DNAAF4: variants seen among roughly 807,000 people sequenced by gnomAD.
DNAAF4 encodes the protein dynein axonemal assembly factor 4, also known as dynein assembly factor 4, axonemal.
DNAAF4 carries 43 observed loss-of-function variants against 51.8 expected under a neutral mutation model. The observed-to-expected ratio is 0.83, with a 90% CI of 0.65 to 1.07. The LOEUF is 1.07. Among genes scored for constraint, DNAAF4 ranks in the 50% least tolerant of loss-of-function variants. The pLI is 0.00. For missense variants in DNAAF4, 581 were observed against 493.0 expected (o/e 1.18, Z -1.69); for synonymous variants, 194 against 165.6 (o/e 1.17, Z -1.32).
intron 9 of DNAAF4, among the ~76,000 whole-genome samples, chr15:55,431,135 G>A (rs776180775): frequency 7.9e-5 from 12 of 151,872 alleles, no homozygotes; most frequent in Non-Finnish European, 7.4e-5. Flanking sequence ...GTAGGGCCTC[G>A]ATCTCCTGAC....
chr15:55,467,266 G>T, intron 4 of DNAAF4, 105 bp from the exon 5 acceptor site: 2 of 1,078,298 alleles, frequency 1.9e-6, no homozygotes, highest in South Asian at 1.5e-5. Context: ...CTAAACTCTT[G>T]CCATTGTATT....
intron 5 of DNAAF4, among the ~76,000 whole-genome samples, chr15:55,459,558 T>A (rs1031472155): frequency 1.3e-5 from 2 of 152,148 alleles, no homozygotes; most frequent in African/African-American, 4.8e-5. Context: ...ATACAGAATG[T>A]CAAATGGATA....
intron 5 of DNAAF4, among the ~76,000 whole-genome samples, chr15:55,460,338 C>A (rs1008210336): frequency 1.3e-5 from 2 of 151,932 alleles, no homozygotes; most frequent in African/African-American, 4.8e-5. Flanking sequence ...TGCCAGCACG[C>A]CCGGCTAATT....
At chr15:55,500,992 CA>C (rs111778667) in intron 1 of DNAAF4, among the ~76,000 whole-genome samples, 7,982 of 65,910 alleles carry the variant, frequency 0.12, 245 homozygotes, top group East Asian at 0.26. Flanking sequence ...AACTGAGTCT[CA>C]AAAAAAAAAA....
chr15:55,469,779 T>C (rs909015917), intron 4 of DNAAF4, among the ~76,000 whole-genome samples: 5 of 151,300 alleles, frequency 3.3e-5, no homozygotes, highest in East Asian at 4.0e-4. Context: ...CGTGAGCCAC[T>C]GCGCCCGGCC....
chr15:55,487,234 A>T (rs2058502963), intron 4 of DNAAF4, among the ~76,000 whole-genome samples: 1 of 152,182 alleles, frequency 6.6e-6, no homozygotes, highest in South Asian at 2.1e-4. Flanking sequence ...AAAGGATTGT[A>T]AACATACCAA....
intron 8 of DNAAF4, among the ~76,000 whole-genome samples, chr15:55,434,305 TGG>T (rs1351256169): frequency 3.3e-5 from 5 of 151,344 alleles, no homozygotes; most frequent in African/African-American, 1.2e-4. Context: ...AAAGAAAAAC[TGG>T]ATCATAAAAG....
chr15:55,480,349 C>G (rs750924933), intron 4 of DNAAF4, among the ~76,000 whole-genome samples: 10 of 152,236 alleles, frequency 6.6e-5, no homozygotes, highest in Admixed American at 2.6e-4. Flanking sequence ...ATACCCAAGG[C>G]CCCCTCCAGC....
rs774865017 is a variant in DNAAF4 at position 55,466,933 on chromosome 15, T to C, written c.634A>G (p.Lys212Glu). The change falls in exon 5 of 10, where the codon AAA becomes GAA. Residue 212 changes from lysine to glutamate, a missense_variant. By Grantham distance (56) the Lys-to-Glu change is moderately conservative (BLOSUM62 1). Transcript: ENST00000321149. ...RNLASRNLAP[K>E]GRNSENIFTE... Reference sequence around the variant, plus strand: ...AAGAAATTCTTAATCATTTTACCTTTTGGAGCAAGATTTCTAGATGCCAAA... The same window carrying C: ...AAGAAATTCTTAATCATTTTACCTTCTGGAGCAAGATTTCTAGATGCCAAA... The C allele has an allele frequency of 2.5e-6, 4 of 1,583,874 alleles. No individual in the cohort carries two copies. In the Admixed American group the frequency reaches 6.1e-5, roughly 24 times the overall value.
rs559510749 is a variant in DNAAF4, at chr15:55,454,728, T to C, written c.638-4361A>G. Reference sequence around the variant, plus strand: ...GACAATAGTTTTGAAATTCCCAGAATTGATGAATGACAAAGTTCTCTGAGT... The same window carrying C: ...GACAATAGTTTTGAAATTCCCAGAACTGATGAATGACAAAGTTCTCTGAGT... On this transcript the variant is annotated intron_variant, in intron 5 of 9. Transcript: ENST00000321149. Among the ~76,000 whole-genome samples the C allele has an allele frequency of 2.6e-5, 4 of 152,268 alleles. 1 individual carries two copies. Among genetic ancestry groups the C allele is most frequent in the Admixed American group, 2.0e-4 (3 of 15,272 alleles).
intron 6 of DNAAF4, among the ~76,000 whole-genome samples, chr15:55,447,264 C>T (rs939116720): frequency 2.7e-5 from 4 of 149,060 alleles, no homozygotes; most frequent in Admixed American, 2.0e-4. Flanking sequence ...GGGTGGCGGT[C>T]GGGCAGAGGT....
chr15:55,497,277 G>A (rs975771242), intron 3 of DNAAF4, among the ~76,000 whole-genome samples: 17 of 152,124 alleles, frequency 1.1e-4, no homozygotes, highest in African/African-American at 9.6e-5. Context: ...TATAGACCCA[G>A]CTATTGAACC....
At chr15:55,433,898 T>C (rs1312768135) in intron 8 of DNAAF4, among the ~76,000 whole-genome samples, 3 of 44,818 alleles carry the variant, frequency 6.7e-5, no homozygotes, top group Admixed American at 3.8e-4. Flanking sequence ...ATATATATTA[T>C]ATATATTATA....
Position 55,497,819 on chromosome 15 carries a change from G to A in DNAAF4, c.164C>T (p.Ala55Val). ...TTTGCTGCTCTCATCGTCTATGGGA[G>A]CATAAAGAAATGCCTCAAATAAAAA... ...PPFLFEAFLY[A>V]PIDDESSKAK... The change falls in exon 3 of 10, where the codon GCT (alanine) becomes GTT (valine). Residue 55 changes from alanine (A) to valine (V), a missense_variant. Ala to Val is a moderately conservative substitution (Grantham distance 64). Transcript: ENST00000321149. The A allele has an allele frequency of 6.2e-7, 1 of 1,613,128 alleles. No individual in the cohort carries two copies.
At chr15:55,485,675 T>C (rs2058477169) in intron 4 of DNAAF4, among the ~76,000 whole-genome samples, 1 of 151,554 alleles carries the variant, frequency 6.6e-6, no homozygotes. Context: ...GTGGGTAATG[T>C]ACAGAACAAA....
At chr15:55,424,498 C>A (rs918906915) in intron 7 of DNAAF4, among the ~76,000 whole-genome samples, 1 of 152,218 alleles carries the variant, frequency 6.6e-6, no homozygotes, top group African/African-American at 2.4e-5. Flanking sequence ...TGTTGGAAAG[C>A]AGTTGGCTTG....
intron 4 of DNAAF4, among the ~76,000 whole-genome samples, chr15:55,482,414 T>A (rs2058424432): frequency 6.6e-6 from 1 of 152,134 alleles, no homozygotes; most frequent in Non-Finnish European, 1.5e-5. Flanking sequence ...TGGTGGCTCA[T>A]GCATGCAATC....
chr15:55,458,678 GA>G (rs1404701230), intron 5 of DNAAF4, among the ~76,000 whole-genome samples: 1 of 152,136 alleles, frequency 6.6e-6, no homozygotes, highest in African/African-American at 2.4e-5. Flanking sequence ...CCAAATACAA[GA>G]AGCTCAAAGA....
chr15:55,484,701 A>G (rs1214733139), intron 4 of DNAAF4, among the ~76,000 whole-genome samples: 5 of 152,166 alleles, frequency 3.3e-5, no homozygotes, highest in African/African-American at 1.2e-4. Context: ...ATCACAAGGT[A>G]TCACAATAGG....
Sources: allele counts gnomAD v4.1 joint callset (sites outside exome capture counted in the v4.1 genomes callset), GRCh38; gene constraint gnomAD v4.1.1; transcripts MANE v1.5; gene names NCBI Gene and HGNC (gene_info 2026-07-23, HGNC 2026-07-21).